ZFAND3: variants seen among roughly 807,000 people sequenced by gnomAD.
ZFAND3 encodes AN1-type zinc finger protein 3.
A neutral mutation model predicts 29.6 loss-of-function variants in ZFAND3; 10 were observed. The ratio of observed to expected loss-of-function variants is 0.34; its 90% CI spans 0.21 to 0.57. ZFAND3 has a LOEUF of 0.57. ZFAND3 is among the 20% of genes least tolerant of loss of function. The pLI is 0.86. For synonymous variants in ZFAND3, 128 were observed against 112.6 expected (o/e 1.14, Z -0.87); for missense variants, 230 against 304.5 (o/e 0.76, Z 1.82).
intron 2 of ZFAND3, among the ~76,000 whole-genome samples, chr6:37,997,140 T>A (rs1762864538): frequency 6.6e-6 from 1 of 152,244 alleles, no homozygotes; most frequent in South Asian, 2.1e-4. Flanking sequence ...ATTTTTGCAT[T>A]ATCCAGTCAT....
chr6:37,827,854 A>C (rs1763787891), intron 1 of ZFAND3, among the ~76,000 whole-genome samples: 1 of 152,248 alleles, frequency 6.6e-6, no homozygotes. Context: ...CATTGATGCC[A>C]CTTGCTACCG....
intron 4 of ZFAND3, among the ~76,000 whole-genome samples, chr6:38,112,244 G>A (rs1765334779): frequency 6.6e-6 from 1 of 152,158 alleles, no homozygotes; most frequent in Non-Finnish European, 1.5e-5. Context: ...AGCTCTGTGT[G>A]GGTATATCTA....
intron 2 of ZFAND3, among the ~76,000 whole-genome samples, chr6:37,943,141 T>C (rs148504293): frequency 2.6e-4 from 40 of 152,218 alleles, no homozygotes; most frequent in African/African-American, 8.9e-4. Context: ...GGAGGCCAGT[T>C]AATTGGACTA....
intron 3 of ZFAND3, among the ~76,000 whole-genome samples, chr6:38,079,106 G>A (rs1032321713): frequency 6.6e-6 from 1 of 152,194 alleles, no homozygotes; most frequent in African/African-American, 2.4e-5. Flanking sequence ...GTGGATGACA[G>A]CGCAATTAGT....
chr6:37,842,456 T>C (rs1361440722), intron 1 of ZFAND3, among the ~76,000 whole-genome samples: 1 of 152,214 alleles, frequency 6.6e-6, no homozygotes, highest in East Asian at 1.9e-4. Context: ...GTGTAATGTT[T>C]TTGATATTTA....
intron 1 of ZFAND3, among the ~76,000 whole-genome samples, chr6:37,900,388 T>C (rs966191914): frequency 1.3e-5 from 2 of 152,222 alleles, no homozygotes; most frequent in African/African-American, 4.8e-5. Flanking sequence ...GACATCTCTT[T>C]TTCAAGAGGA....
At chr6:37,977,611 A>G (rs1044414225) in intron 2 of ZFAND3, among the ~76,000 whole-genome samples, 1 of 151,780 alleles carries the variant, frequency 6.6e-6, no homozygotes, top group Admixed American at 6.6e-5. Context: ...CCAGCCTACA[A>G]TGTTGAATAG....
At chr6:37,980,801 C>G (rs1360471937) in intron 2 of ZFAND3, among the ~76,000 whole-genome samples, 2 of 152,062 alleles carry the variant, frequency 1.3e-5, no homozygotes, top group African/African-American at 4.8e-5. Flanking sequence ...TTTCATCTCC[C>G]CTCAAATTAA....
At chr6:37,846,704 A>ATTTTTTTTTTTTTTTTTTTTTTTTT (rs59448343) in intron 1 of ZFAND3, among the ~76,000 whole-genome samples, 1 of 140,898 alleles carries the variant, frequency 7.1e-6, no homozygotes, top group Non-Finnish European at 1.6e-5. Flanking sequence ...TATACTTGTG[A>ATTTTTTTTTTTTTTTTTTTTTTTTT]TTTTTTTTTT....
At chr6:38,092,881 C>G (rs1286593507) in intron 4 of ZFAND3, among the ~76,000 whole-genome samples, 2 of 152,126 alleles carry the variant, frequency 1.3e-5, no homozygotes, top group Non-Finnish European at 2.9e-5. Context: ...TCATTTGTGC[C>G]TTTAAGTAAA....
chr6:37,974,400 CTCTTTTTTTTTTTT>C (rs1762444607), intron 2 of ZFAND3, among the ~76,000 whole-genome samples: 1 of 99,802 alleles, frequency 1.0e-5, no homozygotes, highest in Non-Finnish European at 1.9e-5. Context: ...CTCTCTCTCT[CTCTTTTTTTTTTTT>C]TTTTTTTGGA....
At chr6:38,082,621 A>G (rs1008309555) in intron 4 of ZFAND3, among the ~76,000 whole-genome samples, 164 bp downstream of exon 4, 2 of 152,128 alleles carry the variant, frequency 1.3e-5, no homozygotes, top group Non-Finnish European at 2.9e-5. Context: ...AGAGGTCAGA[A>G]TGATGTTTTT....
Position 37,834,854 on chromosome 6 carries a change from C to CAAAA in ZFAND3, c.71+14846_71+14849dup, listed in dbSNP as rs35865620. ...TATATGTGTGTATGCATGTATGTTT[C>CAAAA]AAAAAAAAAAACTAGATACTACCAG... On this transcript the variant is annotated intron_variant, in intron 1 of 5. Coordinates refer to ENST00000287218, the MANE Select transcript of ZFAND3 (RefSeq NM_021943.3). 2.0e-3 allele frequency among the ~76,000 whole-genome samples: 278 copies of CAAAA among 142,052 alleles called. 1 individual carries two copies. Among genetic ancestry groups the CAAAA allele is most frequent in the African/African-American group, 6.7e-3 (243 of 36,176 alleles). 93.2% of individuals were successfully genotyped at this position (142,052 alleles called of 152,430 possible). A position where few individuals can be genotyped will look rare whatever the true frequency, so the allele number is the denominator to read the frequency against.
chr6:37,936,209 G>A (rs1243620103), intron 2 of ZFAND3, among the ~76,000 whole-genome samples: 6 of 152,176 alleles, frequency 3.9e-5, no homozygotes, highest in African/African-American at 1.2e-4. Context: ...CACAAGTGGG[G>A]AAGGCAGAAA....
intron 2 of ZFAND3, among the ~76,000 whole-genome samples, chr6:37,960,017 G>A (rs1762165336): frequency 1.3e-5 from 2 of 152,160 alleles, no homozygotes; most frequent in Admixed American, 1.3e-4. Context: ...AAGTCTAATT[G>A]GGGAGGGTAG....
chr6:37,882,665 C>T (rs1764918271), intron 1 of ZFAND3, among the ~76,000 whole-genome samples: 2 of 151,782 alleles, frequency 1.3e-5, no homozygotes, highest in Admixed American at 1.3e-4. Context: ...CCCTTCCACC[C>T]TTTTGGATAT....
At chr6:37,972,164 G>C (rs1762399774) in intron 2 of ZFAND3, among the ~76,000 whole-genome samples, 1 of 151,998 alleles carries the variant, frequency 6.6e-6, no homozygotes, top group Non-Finnish European at 1.5e-5. Context: ...ATTAGGCTTG[G>C]TAGGACCCAG....
intron 2 of ZFAND3, among the ~76,000 whole-genome samples, chr6:37,953,556 A>C (rs1181344175): frequency 6.6e-6 from 1 of 150,496 alleles, no homozygotes; most frequent in East Asian, 2.0e-4. Context: ...AGGCTGAAGC[A>C]ATCATCTCAT....
At chr6:37,877,296 A>G (rs1375119597) in intron 1 of ZFAND3, among the ~76,000 whole-genome samples, 1 of 152,194 alleles carries the variant, frequency 6.6e-6, no homozygotes, top group Non-Finnish European at 1.5e-5. Context: ...TACATATTTA[A>G]TATGAACCTC....
Sources: gnomAD v4.1 joint callset for allele counts (sites outside exome capture counted in the v4.1 genomes callset) on GRCh38, gnomAD v4.1.1 for gene constraint, MANE v1.5 for transcripts, NCBI Gene and HGNC (gene_info 2026-07-23, HGNC 2026-07-21) for gene names.